RPL30: variants seen among roughly 807,000 people sequenced by gnomAD.
The protein encoded by RPL30 is ribosomal protein L30.
For missense variants in RPL30, 60 were observed against 138.0 expected, an observed-to-expected ratio of 0.43 and a Z score of 2.83; for synonymous variants, 40 against 50.4, an observed-to-expected ratio of 0.79 and a Z score of 0.87.
intron 3 of RPL30, chr8:98,044,383 T>G (rs1473152286): frequency 6.6e-6 from 1 of 152,466 alleles, no homozygotes; most frequent in African/African-American, 2.4e-5. Flanking sequence ...CACAGAAAAT[T>G]TGCTCACATA....
rs201506210 is a variant in RPL30 at position 98,045,053 on chromosome 8, T to C, written c.57A>G (p.Gln19=). Residue 19 remains glutamine, a synonymous_variant, in exon 3 of 5, where the codon CAA becomes CAG. Coordinates refer to ENST00000287038, the MANE Select transcript of RPL30 (RefSeq NM_000989.4). ...CGTACTTCCCACTTTTCATAACGAGTTGGAGCCTAGAGTTGATCGACTCCA... is the reference window on the plus strand; with the variant it reads ...CGTACTTCCCACTTTTCATAACGAGCTGGAGCCTAGAGTTGATCGACTCCA... ...KSLESINSRL[Q]LVMKSGKYVL... 533 of 1,614,044 alleles carry C rather than the reference T, an allele frequency of 3.3e-4. No homozygotes were observed. The highest frequency in any genetic ancestry group is 6.3e-4 in the Admixed American group (38 of 60,000).
At chr8:98,043,565 A>T (rs1038379933) in intron 3 of RPL30, 34 of 151,414 alleles carry the variant, frequency 2.2e-4, no homozygotes, top group African/African-American at 8.0e-4. Flanking sequence ...GGGAAGTGAT[A>T]CCGTTTTAGA....
rs1246906384 is a variant in RPL30 at position 98,045,371 on chromosome 8, C to T, written c.-4G>A. The T allele has an allele frequency of 6.2e-7, 1 of 1,614,212 alleles. No homozygotes were observed. On this transcript the variant is annotated 5_prime_UTR_variant, in exon 2 of 5. Coordinates refer to ENST00000287038, the MANE Select transcript of RPL30 (RefSeq NM_000989.4). ...CCGTCTTCTTTGCGGCCACCATCTTCCTGCCTTAGGAGCGGGACGGCCCCC... is the reference window on the plus strand; with the variant it reads ...CCGTCTTCTTTGCGGCCACCATCTTTCTGCCTTAGGAGCGGGACGGCCCCC...
chr8:98,045,121 G>A (rs769724415), intron 2 of RPL30, 33 bp from the exon 3 acceptor site: 4 of 1,599,410 alleles, frequency 2.5e-6, no homozygotes, highest in Non-Finnish European at 3.4e-6. Context: ...GGACCTAAGG[G>A]CCTCGCCTGC....
chr8:98,042,388 G>T, intron 4 of RPL30: 1 of 437,190 alleles, frequency 2.3e-6, no homozygotes, highest in Non-Finnish European at 4.2e-6. Flanking sequence ...CCAAATCTAT[G>T]TCATTATTTC....
chr8:98,044,380 A>T (rs913554445), intron 3 of RPL30: 1 of 152,472 alleles, frequency 6.6e-6, no homozygotes, highest in African/African-American at 2.4e-5. Context: ...CACCACAGAA[A>T]ATTTGCTCAC....
intron 2 of RPL30, 125 bp from the exon 3 acceptor site, chr8:98,045,213 G>C: frequency 6.5e-7 from 1 of 1,534,426 alleles, no homozygotes; most frequent in Non-Finnish European, 8.9e-7. Context: ...CATTGAGAGG[G>C]CCACTGGGAT....
chr8:98,045,181 T>G (rs1446070069), intron 2 of RPL30, 93 bp from the exon 3 acceptor site: 1 of 1,559,278 alleles, frequency 6.4e-7, no homozygotes, highest in Non-Finnish European at 8.7e-7. Context: ...CCCTTAAACT[T>G]CCGAAGTCGA....
chr8:98,041,726 A>G lies in RPL30; in HGVS notation c.*75T>C. The G allele has an allele frequency of 1.0e-6, 1 of 981,342 alleles. No individual in the cohort carries two copies. The allele number at this position is 981,342 out of a possible 1,614,324, so 60.8% of individuals were successfully genotyped here. On this transcript the variant is annotated 3_prime_UTR_variant, in exon 5 of 5. Transcript: ENST00000287038. ...ATACTGAAATAGATACAATGTTTTT[A>G]AAACAAGCAAATTTTATTAAAGGAA...
intron 1 of RPL30, 40 bp from the exon 2 acceptor site, chr8:98,045,439 G>A (rs535351227): frequency 2.3e-5 from 37 of 1,597,476 alleles, no homozygotes; most frequent in East Asian, 1.3e-4. Context: ...TTTAGGATCC[G>A]GAGTTACAAA....
At chr8:98,042,807 T>A (rs1200302736) in intron 3 of RPL30, 32 bp from the exon 4 acceptor site, 1 of 1,540,178 alleles carries the variant, frequency 6.5e-7, no homozygotes. Flanking sequence ...AATAAATAAA[T>A]GCGATACCAA....
intron 3 of RPL30, chr8:98,044,119 T>A (rs1432919807): frequency 6.6e-6 from 1 of 152,176 alleles, no homozygotes; most frequent in Non-Finnish European, 1.5e-5. Context: ...TTAAAAAAAA[T>A]AAAATAATAA....
In RPL30 at chr8:98,041,911, T is replaced by C. The variant is rs141159921; in HGVS notation, c.299-61A>G. 1.6e-3 allele frequency: 1,939 copies of C among 1,204,140 alleles called. 20 individuals carry two copies. The African/African-American group carries it at 0.026, about 16-fold the overall frequency. 74.6% of individuals were successfully genotyped at this position (1,204,140 alleles called of 1,614,324 possible). On this transcript the variant is annotated intron_variant, in intron 4 of 4. Transcript: ENST00000287038. ...ATTCATTTAATAGCAACTGGTACCA[T>C]AAAATTTCTCTACCTTTGGTTATCC...
At position 98,045,417 on chromosome 8, in the gene RPL30, C is replaced by T; in HGVS notation, c.-32-18G>A. 1 of 1,612,684 alleles carries T rather than the reference C, an allele frequency of 6.2e-7. No individual in the cohort carries two copies. Among genetic ancestry groups the T allele is most frequent in the Non-Finnish European group, 8.5e-7 (1 of 1,178,778 alleles). ...CCCCCAACCTAGAAGAGACAGAGAA[C>T]AGGACAGGAATTTTAGGATCCGGAG... On this transcript the variant is annotated intron_variant, in intron 1 of 4. Coordinates refer to ENST00000287038, the MANE Select transcript of RPL30 (RefSeq NM_000989.4).
Position 98,042,884 on chromosome 8 carries a change from T to TAACAAA in RPL30, c.168-115_168-110dup, listed in dbSNP as rs1260980491. The TAACAAA allele has an allele frequency of 1.6e-5, 16 of 1,014,076 alleles. No individual in the cohort carries two copies. The East Asian group carries it at 4.2e-4, about 27-fold the overall frequency. 62.8% of individuals were successfully genotyped at this position (1,014,076 alleles called of 1,614,324 possible). On this transcript the variant is annotated intron_variant, in intron 3 of 4. Transcript: ENST00000287038. Reference sequence around the variant, plus strand: ...TAATGTTGTTAAGGCCTTCAAAAAGTAACAAAATCACATATTACTCTTAAA... The same window carrying TAACAAA: ...TAATGTTGTTAAGGCCTTCAAAAAGTAACAAAAACAAAATCACATATTACTCTTAAA...
At chr8:98,045,160 TGAAGCCGAGCCCCTTAAACTTCC>T in intron 2 of RPL30, 72 bp from the exon 3 acceptor site, 2 of 1,576,754 alleles carry the variant, frequency 1.3e-6, no homozygotes, top group Non-Finnish European at 8.6e-7. Flanking sequence ...CCCAGCTTTT[TGAAGCCGAGCCCCTTAAACTTCC>T]GAAGTCGAGG....
chr8:98,045,120 G>T, intron 2 of RPL30, 32 bp from the exon 3 acceptor site: 1 of 1,600,026 alleles, frequency 6.2e-7, no homozygotes, highest in Non-Finnish European at 8.5e-7. Flanking sequence ...CGGACCTAAG[G>T]GCCTCGCCTG....
Position 98,042,880 on chromosome 8 carries a change from A to G in RPL30, c.168-105T>C, listed in dbSNP as rs1814404809. 1.0e-5 allele frequency: 11 copies of G among 1,056,924 alleles called. No homozygotes were observed. In the South Asian group the frequency reaches 1.9e-4, roughly 18 times the overall value. The allele number at this position is 1,056,924 out of a possible 1,614,324, so 65.5% of individuals were successfully genotyped here. ...GTGTTAATGTTGTTAAGGCCTTCAA[A>G]AAGTAACAAAATCACATATTACTCT... On this transcript the variant is annotated intron_variant, in intron 3 of 4. Coordinates refer to ENST00000287038, the MANE Select transcript of RPL30 (RefSeq NM_000989.4).
At chr8:98,044,110 T>TA (rs920944013) in intron 3 of RPL30, 2 of 152,024 alleles carry the variant, frequency 1.3e-5, no homozygotes, top group Non-Finnish European at 2.9e-5. Context: ...AACTCTGTCT[T>TA]AAAAAAAATA....
Sources: gnomAD v4.1 joint callset for allele counts on GRCh38, gnomAD v4.1.1 for gene constraint, MANE v1.5 for transcripts, NCBI Gene and HGNC (gene_info 2026-07-23, HGNC 2026-07-21) for gene names.